Variants in KAZN observed in about 807,000 individuals in gnomAD.
The protein encoded by KAZN is kazrin.
A neutral mutation model predicts 87.4 loss-of-function variants in KAZN; 40 were observed. The ratio of observed to expected loss-of-function variants is 0.46; its 90% confidence interval spans 0.36 to 0.60. The LOEUF is 0.60. Ranked by LOEUF, KAZN falls within the 20% of genes least tolerant of loss-of-function variation. The pLI, the probability that KAZN is intolerant of heterozygous loss-of-function variation, is 0.00. For synonymous variants in KAZN, 466 were observed against 458.3 expected, an observed-to-expected ratio of 1.02 and a Z score of -0.22; for missense variants, 898 against 1,073.9, an observed-to-expected ratio of 0.84 and a Z score of 2.29.
Position 14,996,109 on chromosome 1 carries a change from C to T in KAZN, c.418+35234C>T, listed in dbSNP as rs1161409913. Among the ~76,000 whole-genome samples the T allele has an allele frequency of 6.6e-6, 1 of 152,130 alleles. No individual in the cohort carries two copies. Among genetic ancestry groups the T allele is most frequent in the Non-Finnish European group, 1.5e-5 (1 of 68,034 alleles). On this transcript the variant is annotated intron_variant, in intron 2 of 14. Transcript: ENST00000376030. This position sits in a 1 kb window ranked among gnomAD's most constrained non-coding sequence, Gnocchi z 5.9. ...GGGTCCATACCCTGCACAGCAGACG[C>T]GAGTGTGCATGTCAGTTTCCAGGCT...
chr1:14,395,815 G>A (rs1387891111), intron 2 of KAZN, among the ~76,000 whole-genome samples: 7 of 152,130 alleles, frequency 4.6e-5, no homozygotes, highest in Non-Finnish European at 8.8e-5. Flanking sequence ...CACCAAACAG[G>A]AGTGGCACTG....
At chr1:14,099,301 G>A (rs1421671601) in intron 1 of KAZN, among the ~76,000 whole-genome samples, 1 of 152,124 alleles carries the variant, frequency 6.6e-6, no homozygotes, top group Non-Finnish European at 1.5e-5. Context: ...CTTCCCTCCT[G>A]TAACCACATA....
chr1:15,095,215 C>T (rs749808171), intron 10 of KAZN, among the ~76,000 whole-genome samples: 1 of 152,226 alleles, frequency 6.6e-6, no homozygotes, highest in African/African-American at 2.4e-5. Context: ...TCACGAGCCC[C>T]CCAGCACTCC....
At position 15,114,587 on chromosome 1, in the gene KAZN, A is replaced by G; in HGVS notation, c.2280A>G (p.Glu760=). The change falls in exon 15 of 15, where the codon GAA becomes GAG. Residue 760 remains glutamate (E), a synonymous_variant. Coordinates refer to ENST00000376030, the MANE Select transcript of KAZN (RefSeq NM_201628.3). ...ACGATGACCCCCAGAGCAGGCTGGAACAGTGCCGTCTGGAAGGCTACAACA... is the reference window on the plus strand; with the variant it reads ...ACGATGACCCCCAGAGCAGGCTGGAGCAGTGCCGTCTGGAAGGCTACAACA... ...CGDDDPQSRL[E]QCRLEGYNSL... The G allele has an allele frequency of 6.2e-7, 1 of 1,602,596 alleles. No individual in the cohort carries two copies. The highest frequency in any genetic ancestry group is 1.3e-5 in the African/African-American group (1 of 74,816).
At chr1:15,097,248 T>G (rs1640844165) in intron 10 of KAZN, among the ~76,000 whole-genome samples, 1 of 152,148 alleles carries the variant, frequency 6.6e-6, no homozygotes, top group Admixed American at 6.5e-5. Flanking sequence ...TTCACTGTGT[T>G]GGGTTGGTGG....
rs1248391187 is a variant in KAZN, at chr1:15,115,304, A to C, written c.*669A>C. Reference sequence around the variant, plus strand: ...TTTGCCGATCCACCCAGGAGTGGCTACGCTGAGTGGGGAGCCGGTGAATGA... The same window carrying C: ...TTTGCCGATCCACCCAGGAGTGGCTCCGCTGAGTGGGGAGCCGGTGAATGA... On this transcript the variant is annotated 3_prime_UTR_variant, in exon 15 of 15. Transcript: ENST00000376030. The surrounding 1 kb of genome is among the most constrained non-coding windows in gnomAD (Gnocchi z 4.1). The C allele has an allele frequency of 6.6e-6, 1 of 152,290 alleles. No homozygotes were observed. Among genetic ancestry groups the C allele is most frequent in the South Asian group, 2.1e-4 (1 of 4,830 alleles). The allele number at this position is 152,290 out of a possible 1,614,324, so 9.4% of individuals were successfully genotyped here. A position where few individuals can be genotyped will look rare whatever the true frequency, so the allele number is the denominator to read the frequency against.
At chr1:14,248,618 A>G (rs1025559835) in intron 2 of KAZN, among the ~76,000 whole-genome samples, 21 of 152,314 alleles carry the variant, frequency 1.4e-4, no homozygotes, top group African/African-American at 3.6e-4. Flanking sequence ...GGAAGGGGAG[A>G]ATGTTGTATG....
chr1:14,584,375 G>C (rs1675726672), intron 2 of KAZN, among the ~76,000 whole-genome samples: 1 of 152,222 alleles, frequency 6.6e-6, no homozygotes, highest in Admixed American at 6.5e-5. Context: ...TCTGGGTGGA[G>C]AAAGGCCAGT....
At chr1:14,525,373 A>G (rs576110031) in intron 2 of KAZN, among the ~76,000 whole-genome samples, 8 of 152,350 alleles carry the variant, frequency 5.3e-5, no homozygotes, top group South Asian at 2.1e-4. Flanking sequence ...TTACTGTGTG[A>G]GGCTTTTGAA....
intron 2 of KAZN, among the ~76,000 whole-genome samples, chr1:14,435,673 C>T (rs555368357): frequency 3.3e-5 from 5 of 152,190 alleles, no homozygotes; most frequent in Non-Finnish European, 5.9e-5. Context: ...AGTTAAGAGC[C>T]CTGCTTGAAA....
intron 1 of KAZN, among the ~76,000 whole-genome samples, chr1:14,792,550 G>T (rs149542816): frequency 6.6e-6 from 1 of 152,290 alleles, no homozygotes; most frequent in African/African-American, 2.4e-5. Context: ...CTTCCAAAAG[G>T]AGAGGAATCT....
chr1:14,999,688 A>G (rs1346749646), intron 2 of KAZN, among the ~76,000 whole-genome samples: 1 of 152,204 alleles, frequency 6.6e-6, no homozygotes, highest in Non-Finnish European at 1.5e-5. Flanking sequence ...TTGTTTAGCA[A>G]CTGGGTGGAA....
chr1:14,346,336 A>G (rs1490350425), intron 2 of KAZN, among the ~76,000 whole-genome samples: 1 of 152,150 alleles, frequency 6.6e-6, no homozygotes, highest in African/African-American at 2.4e-5. Flanking sequence ...CTTTCAGGGG[A>G]TGACTAAAAG....
intron 2 of KAZN, among the ~76,000 whole-genome samples, chr1:14,493,312 G>T (rs1435405429): frequency 6.6e-6 from 1 of 152,234 alleles, no homozygotes; most frequent in African/African-American, 2.4e-5. Flanking sequence ...TTTGCTGAAA[G>T]AACGGAAGAT....
chr1:14,845,701 G>A (rs61772324), intron 1 of KAZN, among the ~76,000 whole-genome samples: 8,628 of 152,216 alleles, frequency 0.057, 337 homozygotes, highest in Admixed American at 0.11. Context: ...GTGGTAATAG[G>A]TGCTCTTCAA....
chr1:14,281,809 A>G (rs1402966729), intron 2 of KAZN, among the ~76,000 whole-genome samples: 3 of 152,192 alleles, frequency 2.0e-5, no homozygotes, highest in African/African-American at 7.2e-5. Flanking sequence ...TGGAGCCCCA[A>G]AAGGCTCCCA....
intron 2 of KAZN, among the ~76,000 whole-genome samples, chr1:14,272,625 G>A (rs751134992): frequency 3.3e-5 from 5 of 152,084 alleles, no homozygotes; most frequent in East Asian, 1.9e-4. Flanking sequence ...TTGGGAGGCC[G>A]AGGTGGGCGG....
At chr1:15,060,366 T>G (rs878975583) in intron 6 of KAZN, 64 bp downstream of exon 6, 15 of 1,570,732 alleles carry the variant, frequency 9.5e-6, no homozygotes, top group African/African-American at 1.4e-5. Context: ...GGGGCGGGGG[T>G]GGCGGGGTGA....
intron 2 of KAZN, among the ~76,000 whole-genome samples, chr1:14,446,903 A>T (rs1183644482): frequency 2.0e-5 from 3 of 151,654 alleles, no homozygotes; most frequent in South Asian, 2.1e-4. Context: ...AAGCACCTTT[A>T]AAAAAAAATT....
Sources: gnomAD v4.1 joint callset for allele counts (sites outside exome capture counted in the v4.1 genomes callset) on GRCh38, gnomAD v4.1.1 for gene constraint, Gnocchi (gnomAD v3.1) non-coding constraint, MANE v1.5 for transcripts, NCBI Gene and HGNC (gene_info 2026-07-23, HGNC 2026-07-21) for gene names.